IQUB: variants seen among roughly 807,000 people sequenced by gnomAD.
IQUB encodes IQ motif and ubiquitin domain containing.
IQUB carries 86 observed loss-of-function variants against 86.4 expected under a neutral mutation model. The ratio of observed to expected loss-of-function variants is 1.00; its 90% CI spans 0.84 to 1.19. The LOEUF (loss-of-function observed/expected upper bound fraction) is 1.19. Ranked by LOEUF, IQUB falls within the 50% of genes most tolerant of loss-of-function variation. The pLI, the probability that IQUB is intolerant of heterozygous loss-of-function variation, is 0.00. For synonymous variants in IQUB, 289 were observed against 304.5 expected, an observed-to-expected ratio of 0.95 and a Z score of 0.53; for missense variants, 946 against 916.9, an observed-to-expected ratio of 1.03 and a Z score of -0.41.
chr7:123,487,269 T>A (rs989599171), intron 7 of IQUB, among the ~76,000 whole-genome samples: 7 of 152,220 alleles, frequency 4.6e-5, no homozygotes, highest in African/African-American at 1.7e-4. Context: ...ATCTCTTTTC[T>A]TTATAAATTA....
chr7:123,458,707 A>G (rs776294137), intron 11 of IQUB, among the ~76,000 whole-genome samples: 5 of 151,964 alleles, frequency 3.3e-5, no homozygotes, highest in African/African-American at 4.8e-5. Context: ...TTTGCATGTA[A>G]ATGTCAAATG....
intron 7 of IQUB, among the ~76,000 whole-genome samples, chr7:123,481,270 C>T (rs2117083270): frequency 6.6e-6 from 1 of 152,146 alleles, no homozygotes; most frequent in African/African-American, 2.4e-5. Flanking sequence ...CTTCTCAAGA[C>T]ATAAATATTT....
At chr7:123,473,474 C>G (rs1159507375) in intron 8 of IQUB, among the ~76,000 whole-genome samples, 1 of 152,118 alleles carries the variant, frequency 6.6e-6, no homozygotes, top group East Asian at 1.9e-4. Flanking sequence ...GGTAAATAAA[C>G]CCAAAGATAT....
chr7:123,464,745 G>A, intron 10 of IQUB, 88 bp downstream of exon 10: 1 of 775,054 alleles, frequency 1.3e-6, no homozygotes, highest in Non-Finnish European at 2.0e-6. Context: ...CCCAAGTAAA[G>A]TGTTAAAGCA....
intron 8 of IQUB, among the ~76,000 whole-genome samples, chr7:123,472,838 T>C (rs1794592728): frequency 6.6e-6 from 1 of 152,232 alleles, no homozygotes. Context: ...TTCTCTTCCT[T>C]ATTTCCTTTT....
chr7:123,463,576 A>AGAT (rs1345404281), intron 10 of IQUB, among the ~76,000 whole-genome samples: 1 of 151,794 alleles, frequency 6.6e-6, no homozygotes, highest in African/African-American at 2.4e-5. Context: ...CTTCTGAAAT[A>AGAT]GATAAAACTA....
At chr7:123,531,898 A>G (rs1049687585) in intron 1 of IQUB, among the ~76,000 whole-genome samples, 3 of 152,214 alleles carry the variant, frequency 2.0e-5, no homozygotes, top group East Asian at 1.9e-4. Flanking sequence ...CTCAAGCCTA[A>G]TAAGTGATCT....
intron 8 of IQUB, among the ~76,000 whole-genome samples, chr7:123,471,514 C>G (rs76114650): frequency 1.3e-5 from 2 of 152,156 alleles, no homozygotes; most frequent in African/African-American, 2.4e-5. Flanking sequence ...ACCTTTTGAT[C>G]TGCATGGTGG....
chr7:123,521,561 C>T (rs1046066452), intron 1 of IQUB, among the ~76,000 whole-genome samples: 1 of 151,874 alleles, frequency 6.6e-6, no homozygotes, highest in East Asian at 1.9e-4. Context: ...GTTGGAAGAT[C>T]GCTTCAGCCA....
chr7:123,499,761 G>C (rs1795859513), intron 6 of IQUB, among the ~76,000 whole-genome samples: 1 of 152,142 alleles, frequency 6.6e-6, no homozygotes, highest in African/African-American at 2.4e-5. Flanking sequence ...ACTGTCAGAG[G>C]CGTGTGAACC....
rs756106444 is a variant in IQUB at position 123,464,898 on chromosome 7, C to A, written c.1693G>T (p.Ala565Ser). Reference protein sequence around the residue: ...HNLEGLRKRIATLFFHYIKTP... With the variant: ...HNLEGLRKRISTLFFHYIKTP... Reference sequence around the variant, plus strand: ...TTGATATAATGAAAAAAGAGTGTCGCAATTCTTTTTCTGAGTCCTTCAAGG... The same window carrying A: ...TTGATATAATGAAAAAAGAGTGTCGAAATTCTTTTTCTGAGTCCTTCAAGG... The change falls in exon 10 of 13, where the codon GCG becomes TCG. Residue 565 changes from alanine (A) to serine (S), a missense_variant. Coordinates refer to ENST00000324698, the MANE Select transcript of IQUB (RefSeq NM_178827.5). The A allele has an allele frequency of 5.0e-6, 8 of 1,606,842 alleles. No homozygotes were observed. Among genetic ancestry groups the A allele is most frequent in the Non-Finnish European group, 6.8e-6 (8 of 1,176,762 alleles).
intron 3 of IQUB, among the ~76,000 whole-genome samples, chr7:123,504,648 A>G (rs1375413947): frequency 6.6e-6 from 1 of 152,132 alleles, no homozygotes; most frequent in South Asian, 2.1e-4. Context: ...CTCACTCACT[A>G]TCAAGAAGAC....
chr7:123,531,299 G>A (rs1242489364), intron 1 of IQUB, among the ~76,000 whole-genome samples: 9 of 152,218 alleles, frequency 5.9e-5, no homozygotes, highest in Non-Finnish European at 8.8e-5. Flanking sequence ...CATAAAAAAT[G>A]ATTACCAACC....
intron 1 of IQUB, among the ~76,000 whole-genome samples, chr7:123,523,023 G>C (rs1298273685): frequency 6.6e-6 from 1 of 150,390 alleles, no homozygotes; most frequent in East Asian, 2.0e-4. Context: ...TCCCTACAAA[G>C]GACATGAACT....
chr7:123,470,141 G>A (rs571949171), intron 8 of IQUB, among the ~76,000 whole-genome samples: 8 of 152,226 alleles, frequency 5.3e-5, no homozygotes, highest in South Asian at 2.1e-4. Context: ...GTCCTCTACC[G>A]ACTCAGGAAA....
chr7:123,470,622 C>T (rs571855313), intron 8 of IQUB, among the ~76,000 whole-genome samples: 31 of 152,192 alleles, frequency 2.0e-4, no homozygotes, highest in African/African-American at 6.3e-4. Context: ...GAGGCCGAGG[C>T]GGGCAGATCA....
chr7:123,503,273 T>C lies in IQUB; in HGVS notation c.623A>G (p.Asp208Gly), dbSNP rs150203444. Residue 208 changes from aspartate (D) to glycine (G), a missense_variant, in exon 4 of 13, where the codon GAT (aspartate) becomes GGT (glycine). Transcript: ENST00000324698. ...ATCTATTCTTCTGACTGGATACAGA[T>C]CTGGATTTGTAGAAAAGATTTCCAC... is the stretch of plus-strand genomic sequence containing the variant. ...VQVEIFSTNPDLYPVRRIDGL... is the reference protein window; with the variant it reads ...VQVEIFSTNPGLYPVRRIDGL... 23 of 1,608,920 alleles carry C rather than the reference T, an allele frequency of 1.4e-5. No homozygotes were observed. Among genetic ancestry groups the C allele is most frequent in the Non-Finnish European group, 1.9e-5 (22 of 1,175,686 alleles).
chr7:123,528,667 G>C (rs1485185843), intron 1 of IQUB, among the ~76,000 whole-genome samples: 1 of 152,178 alleles, frequency 6.6e-6, no homozygotes, highest in Non-Finnish European at 1.5e-5. Flanking sequence ...AGATGAAAAA[G>C]CTAAGACCCA....
chr7:123,522,133 G>A (rs150648472), intron 1 of IQUB, among the ~76,000 whole-genome samples: 284 of 152,126 alleles, frequency 1.9e-3, no homozygotes, highest in African/African-American at 6.2e-3. Flanking sequence ...TGTTTGCACC[G>A]AGAAACTGCA....
Sources: gnomAD v4.1 joint callset for allele counts (sites outside exome capture counted in the v4.1 genomes callset) on GRCh38, gnomAD v4.1.1 for gene constraint, MANE v1.5 for transcripts, NCBI Gene and HGNC (gene_info 2026-07-23, HGNC 2026-07-21) for gene names.